MALRD1: variants seen among roughly 807,000 people sequenced by gnomAD.
MALRD1 encodes the protein MAM and LDL-receptor class A domain-containing protein 1.
In MALRD1, 247 loss-of-function variants were observed where a neutral mutation model predicts 242.1. The ratio of observed to expected loss-of-function variants is 1.02; its 90% CI spans 0.92 to 1.13. The LOEUF (loss-of-function observed/expected upper bound fraction) is 1.13, where lower values mean the gene tolerates loss of function less well. Ranked by LOEUF, MALRD1 falls within the 50% of genes most tolerant of loss-of-function variation. The probability of loss-of-function intolerance (pLI) is 0.00; values close to 1 mark genes in which losing one functional copy is unlikely to be tolerated. For synonymous variants in MALRD1, 995 were observed against 866.6 expected, an observed-to-expected ratio of 1.15 and a Z score of -2.60; for missense variants, 2,989 against 2,533.1, an observed-to-expected ratio of 1.18 and a Z score of -3.86.
intron 28 of MALRD1, among the ~76,000 whole-genome samples, chr10:19,441,302 C>G (rs112712593): frequency 2.6e-5 from 4 of 152,156 alleles, no homozygotes; most frequent in Admixed American, 6.5e-5. Flanking sequence ...CCTGTTCACT[C>G]TGATGGTAGT....
intron 2 of MALRD1, among the ~76,000 whole-genome samples, chr10:19,083,726 C>A (rs1835569493): frequency 6.6e-6 from 1 of 151,880 alleles, no homozygotes; most frequent in Non-Finnish European, 1.5e-5. Context: ...CACATGAATG[C>A]AAGCTGCTAT....
chr10:19,617,223 A>G (rs1425268004), intron 36 of MALRD1, among the ~76,000 whole-genome samples: 1 of 152,058 alleles, frequency 6.6e-6, no homozygotes, highest in Non-Finnish European at 1.5e-5. Context: ...AACTTGAAAA[A>G]TTAAAATCCA....
At chr10:19,475,137 C>T (rs558928002) in intron 29 of MALRD1, among the ~76,000 whole-genome samples, 3 of 152,138 alleles carry the variant, frequency 2.0e-5, no homozygotes, top group Non-Finnish European at 4.4e-5. Context: ...ACTTTCTGGC[C>T]GGGCGCAGTG....
chr10:19,539,688 T>C (rs11010292), intron 32 of MALRD1, among the ~76,000 whole-genome samples: 6,160 of 152,032 alleles, frequency 0.041, 195 homozygotes, highest in Middle Eastern at 0.085. Flanking sequence ...TTTGTTTTTT[T>C]ATTTTTTTGT....
At chr10:19,466,347 T>G (rs1836217967) in intron 29 of MALRD1, among the ~76,000 whole-genome samples, 1 of 152,196 alleles carries the variant, frequency 6.6e-6, no homozygotes, top group African/African-American at 2.4e-5. Context: ...GGATTTTCTT[T>G]TATTGCTTTT....
At chr10:19,306,061 C>CTATATTATATATACTA (rs1842167161) in intron 21 of MALRD1, among the ~76,000 whole-genome samples, 1 of 98,054 alleles carries the variant, frequency 1.0e-5, no homozygotes, top group Non-Finnish European at 1.9e-5. Context: ...ATTTATTATA[C>CTATATTATATATACTA]TATACTATAT....
At chr10:19,718,095 AGAAGAG>A (rs1455606878) in intron 38 of MALRD1, among the ~76,000 whole-genome samples, 3 of 110,748 alleles carry the variant, frequency 2.7e-5, no homozygotes. Context: ...TAGAAGAAGA[AGAAGAG>A]GAAGAGGAAG....
intron 18 of MALRD1, among the ~76,000 whole-genome samples, chr10:19,223,611 A>G (rs1053955211): frequency 2.6e-5 from 4 of 152,140 alleles, no homozygotes; most frequent in Non-Finnish European, 5.9e-5. Flanking sequence ...GTTTTGTGAA[A>G]TAGGTATACA....
At chr10:19,072,673 G>T (rs1353623080) in intron 2 of MALRD1, among the ~76,000 whole-genome samples, 1 of 151,982 alleles carries the variant, frequency 6.6e-6, no homozygotes, top group African/African-American at 2.4e-5. Context: ...CTTAATTTTA[G>T]TGCCCAGTGT....
chr10:19,539,134 G>A (rs995819684), intron 32 of MALRD1, among the ~76,000 whole-genome samples: 1 of 152,124 alleles, frequency 6.6e-6, no homozygotes, highest in African/African-American at 2.4e-5. Context: ...AGATCAGATG[G>A]TTACGATATG....
chr10:19,453,003 G>A (rs775524930), intron 29 of MALRD1, among the ~76,000 whole-genome samples: 10 of 152,210 alleles, frequency 6.6e-5, no homozygotes, highest in South Asian at 2.1e-4. Context: ...TATTAAATAC[G>A]TTAAAATATG....
intron 10 of MALRD1, among the ~76,000 whole-genome samples, chr10:19,145,387 T>C (rs1418766314): frequency 6.6e-6 from 1 of 152,078 alleles, no homozygotes; most frequent in African/African-American, 2.4e-5. Flanking sequence ...CTCATGCCTG[T>C]AAACCCAGCA....
chr10:19,464,690 G>T (rs1043892405), intron 29 of MALRD1, among the ~76,000 whole-genome samples: 2 of 152,108 alleles, frequency 1.3e-5, no homozygotes, highest in Non-Finnish European at 2.9e-5. Flanking sequence ...CTTTGGCTAT[G>T]TGGGCTCTTT....
At chr10:19,490,512 G>GGGT (rs1554783730) in intron 29 of MALRD1, among the ~76,000 whole-genome samples, 9 of 118,850 alleles carry the variant, frequency 7.6e-5, no homozygotes, top group Non-Finnish European at 1.3e-4. Context: ...GGGGCGGGGG[G>GGGT]GGGGCAGGGT....
chr10:19,717,798 C>G (rs562542113), intron 38 of MALRD1, among the ~76,000 whole-genome samples: 4 of 152,070 alleles, frequency 2.6e-5, no homozygotes, highest in Admixed American at 2.6e-4. Flanking sequence ...TGGTGAAACA[C>G]TTGAGGTCAG....
chr10:19,719,821 CT>C (rs2131902581), intron 38 of MALRD1, among the ~76,000 whole-genome samples: 1 of 151,578 alleles, frequency 6.6e-6, no homozygotes, highest in East Asian at 1.9e-4. Context: ...TTCTTTCTTC[CT>C]TTTCCTCCAG....
intron 28 of MALRD1, among the ~76,000 whole-genome samples, chr10:19,398,516 A>G (rs975541190): frequency 2.6e-5 from 4 of 152,182 alleles, no homozygotes; most frequent in Non-Finnish European, 5.9e-5. Flanking sequence ...AATATCTACC[A>G]TTACTATTGG....
At chr10:19,373,768 A>G (rs960505428) in intron 26 of MALRD1, among the ~76,000 whole-genome samples, 10 of 152,232 alleles carry the variant, frequency 6.6e-5, no homozygotes, top group African/African-American at 4.8e-5. Context: ...ATGAAGGTCA[A>G]TTAACCAAGA....
intron 29 of MALRD1, among the ~76,000 whole-genome samples, chr10:19,452,197 A>T (rs544431241): frequency 3.9e-5 from 6 of 152,336 alleles, no homozygotes; most frequent in African/African-American, 1.4e-4. Flanking sequence ...TTTCCTCTCA[A>T]GGGAAGCAGA....
Sources: gnomAD v4.1 joint callset for allele counts (sites outside exome capture counted in the v4.1 genomes callset) on GRCh38, gnomAD v4.1.1 for gene constraint, MANE v1.5 for transcripts, NCBI Gene and HGNC (gene_info 2026-07-23, HGNC 2026-07-21) for gene names.